Variants in AAGAB observed in about 807,000 individuals in gnomAD.
AAGAB encodes alpha- and gamma-adaptin-binding protein p34.
Under a neutral mutation model 44.1 loss-of-function variants are expected in AAGAB, and 38 were observed. The observed-to-expected ratio is 0.86, with a 90% confidence interval of 0.67 to 1.13. The LOEUF (loss-of-function observed/expected upper bound fraction) is 1.13, where lower values mean the gene tolerates loss of function less well. AAGAB is among the 50% of genes most tolerant of loss of function. The probability of loss-of-function intolerance (pLI) is 0.00; values close to 1 mark genes in which losing one functional copy is unlikely to be tolerated. For synonymous variants in AAGAB, 131 were observed against 131.8 expected, an observed-to-expected ratio of 0.99 and a Z score of 0.04; for missense variants, 450 against 373.8, an observed-to-expected ratio of 1.20 and a Z score of -1.68.
intron 4 of AAGAB, among the ~76,000 whole-genome samples, chr15:67,233,559 C>T (rs190156484): frequency 4.5e-4 from 69 of 152,344 alleles, no homozygotes; most frequent in Non-Finnish European, 8.2e-4. Flanking sequence ...CAGACCCTGT[C>T]TCTAGTGGCC....
At chr15:67,244,568 C>G (rs988728044) in intron 1 of AAGAB, among the ~76,000 whole-genome samples, 1 of 151,970 alleles carries the variant, frequency 6.6e-6, no homozygotes, top group Non-Finnish European at 1.5e-5. Flanking sequence ...TTTGAGAGGC[C>G]AAAGTGGGCA....
chr15:67,222,907 T>A (rs184748535), intron 5 of AAGAB, among the ~76,000 whole-genome samples: 1 of 152,316 alleles, frequency 6.6e-6, no homozygotes, highest in African/African-American at 2.4e-5. Context: ...TCTTTCAACC[T>A]ATTTCACTGA....
At chr15:67,246,928 G>A (rs1391191902) in intron 1 of AAGAB, among the ~76,000 whole-genome samples, 4 of 152,194 alleles carry the variant, frequency 2.6e-5, no homozygotes, top group Admixed American at 6.5e-5. Flanking sequence ...CAACCCGTTC[G>A]GGTCCCCTTC....
At chr15:67,254,741 AG>A, upstream of AAGAB, 1 of 1,362,950 alleles carries the variant, frequency 7.3e-7, no homozygotes, top group South Asian at 1.3e-5. Context: ...CGGAATGACC[AG>A]GCTGGCCTGA....
intron 1 of AAGAB, among the ~76,000 whole-genome samples, chr15:67,243,981 C>T (rs143842771): frequency 4.6e-5 from 7 of 151,994 alleles, no homozygotes; most frequent in Non-Finnish European, 1.0e-4. Context: ...AGGACAATTA[C>T]GAGATAAAAA....
Position 67,208,551 on chromosome 15 carries a change from G to A in AAGAB, c.715+11C>T, listed in dbSNP as rs747915052. On this transcript the variant is annotated intron_variant, in intron 7 of 9. Coordinates refer to ENST00000261880, the MANE Select transcript of AAGAB (RefSeq NM_024666.5). ...CAAAGCTCTCTCTTGGCAGCCAAAG[G>A]AGGAACTTACCCACAATGCTATCAA... The A allele has an allele frequency of 1.2e-6, 2 of 1,611,704 alleles. No individual in the cohort carries two copies. Among genetic ancestry groups the A allele is most frequent in the Non-Finnish European group, 1.7e-6 (2 of 1,178,092 alleles).
intron 5 of AAGAB, chr15:67,221,064 C>G (rs536607681): frequency 3.3e-5 from 5 of 152,324 alleles, no homozygotes; most frequent in Admixed American, 1.3e-4. Context: ...CCAGCTAAAT[C>G]TCTTCTCAGC....
chr15:67,235,089 G>A (rs1964429851), intron 4 of AAGAB, among the ~76,000 whole-genome samples: 1 of 152,048 alleles, frequency 6.6e-6, no homozygotes, highest in Non-Finnish European at 1.5e-5. Flanking sequence ...AATGTCTTTT[G>A]GAACAACTGG....
In AAGAB at chr15:67,254,574, C is replaced by T. The variant is rs1335980767; in HGVS notation, c.58G>A (p.Asp20Asn). Reference protein sequence around the residue: ...VTSCSSVFSGDQLVQHILGTE... With the variant: ...VTSCSSVFSGNQLVQHILGTE... ...ATCTACTCACGTTGGACCAGCTGGT[C>T]TCCTGAGAAGACGGAGGAGCAGCTG... The change falls in exon 1 of 10, where the codon GAC becomes AAC. Residue 20 changes from aspartate to asparagine, a missense_variant. Asp to Asn is a conservative substitution (Grantham distance 23, BLOSUM62 1). Coordinates refer to ENST00000261880, the MANE Select transcript of AAGAB (RefSeq NM_024666.5). 3 of 1,609,716 alleles carry T rather than the reference C, an allele frequency of 1.9e-6. No homozygotes were observed. The highest frequency in any genetic ancestry group is 2.7e-5 in the African/African-American group (2 of 74,848).
chr15:67,226,472 C>A (rs1216029493), intron 5 of AAGAB, among the ~76,000 whole-genome samples: 2 of 152,086 alleles, frequency 1.3e-5, no homozygotes, highest in Non-Finnish European at 2.9e-5. Flanking sequence ...TATTTTCTTG[C>A]CTATCCAAAT....
intron 1 of AAGAB, chr15:67,254,244 C>G (rs982118451): frequency 2.5e-6 from 1 of 394,642 alleles, no homozygotes; most frequent in African/African-American, 2.0e-5. Context: ...TGTAACCTAG[C>G]GCAATTTCCG....
chr15:67,223,745 G>A (rs181188203), intron 5 of AAGAB, among the ~76,000 whole-genome samples: 152 of 152,234 alleles, frequency 1.0e-3, no homozygotes, highest in Middle Eastern at 6.8e-3. Context: ...AGTTTACTCT[G>A]AGTAAATGTC....
chr15:67,251,539 C>T (rs1964873377), intron 1 of AAGAB, among the ~76,000 whole-genome samples: 1 of 152,180 alleles, frequency 6.6e-6, no homozygotes, highest in African/African-American at 2.4e-5. Context: ...TCCAAGCATG[C>T]ACCACTGCAT....
chr15:67,211,441 T>C (rs1703365456), intron 5 of AAGAB, among the ~76,000 whole-genome samples: 1 of 152,198 alleles, frequency 6.6e-6, no homozygotes, highest in African/African-American at 2.4e-5. Context: ...AGCAGATCCA[T>C]GCAGTGTCCT....
rs370826027 is a variant in AAGAB, at chr15:67,222,242, G to GCACA, written c.535+9568_535+9571dup. Among the ~76,000 whole-genome samples the GCACA allele has an allele frequency of 2.5e-3, 223 of 90,090 alleles. 1 individual carries two copies. Among genetic ancestry groups the GCACA allele is most frequent in the East Asian group, 5.5e-3 (9 of 1,622 alleles). The allele number at this position is 90,090 out of a possible 152,430, so 59.1% of individuals were successfully genotyped here. On this transcript the variant is annotated intron_variant, in intron 5 of 9. Coordinates refer to ENST00000261880, the MANE Select transcript of AAGAB (RefSeq NM_024666.5). Reference sequence around the variant, plus strand: ...TGCATGCACGCGCACGCGCGCGCGCGCACACACACACACACACACACACAC... The same window carrying GCACA: ...TGCATGCACGCGCACGCGCGCGCGCGCACACACACACACACACACACACACACAC...
intron 1 of AAGAB, among the ~76,000 whole-genome samples, chr15:67,251,686 T>G (rs1267334095): frequency 6.6e-6 from 1 of 152,230 alleles, no homozygotes; most frequent in Non-Finnish European, 1.5e-5. Context: ...CGCTGATACA[T>G]GAAGTAGAAC....
intron 5 of AAGAB, among the ~76,000 whole-genome samples, chr15:67,222,147 T>A (rs886109453): frequency 2.0e-5 from 3 of 152,066 alleles, no homozygotes; most frequent in Non-Finnish European, 4.4e-5. Flanking sequence ...CTCTTATATA[T>A]ACTACTGAAT....
chr15:67,204,425 G>A (rs937707359), intron 7 of AAGAB, among the ~76,000 whole-genome samples: 2 of 152,132 alleles, frequency 1.3e-5, no homozygotes, highest in African/African-American at 2.4e-5. Context: ...GTGACTTGCC[G>A]AGGTGACAGC....
chr15:67,225,709 T>C (rs1964187931), intron 5 of AAGAB, among the ~76,000 whole-genome samples: 2 of 152,242 alleles, frequency 1.3e-5, no homozygotes, highest in Non-Finnish European at 2.9e-5. Flanking sequence ...TTGATCCACA[T>C]TGTAGCATAT....
Sources: allele counts gnomAD v4.1 joint callset (sites outside exome capture counted in the v4.1 genomes callset), GRCh38; gene constraint gnomAD v4.1.1; transcripts MANE v1.5; gene names NCBI Gene and HGNC (gene_info 2026-07-23, HGNC 2026-07-21).